HDAC9: variants seen among roughly 807,000 people sequenced by gnomAD.
HDAC9 encodes MEF-2 interacting transcription repressor (MITR) protein.
In HDAC9, 41 loss-of-function variants were observed where a neutral mutation model predicts 139.4. That is an observed-to-expected ratio of 0.29 (90% CI 0.23 to 0.38). The LOEUF (loss-of-function observed/expected upper bound fraction) is 0.38. Ranked by LOEUF, HDAC9 falls within the 10% of genes least tolerant of loss-of-function variation. HDAC9 has a pLI of 1.00. For missense variants in HDAC9, 1,147 were observed against 1,297.0 expected (o/e 0.88, Z 1.78); for synonymous variants, 517 against 476.2 (o/e 1.09, Z -1.12).
chr7:18,134,747 C>T (rs772932359), intron 1 of HDAC9, among the ~76,000 whole-genome samples: 4 of 152,114 alleles, frequency 2.6e-5, no homozygotes, highest in Non-Finnish European at 5.9e-5. Flanking sequence ...ATATTCTTCT[C>T]TCTTTATTTG....
intron 2 of HDAC9, among the ~76,000 whole-genome samples, chr7:18,188,871 A>G (rs1790116004): frequency 6.6e-6 from 1 of 152,198 alleles, no homozygotes; most frequent in Non-Finnish European, 1.5e-5. Context: ...TTGGAGAAAT[A>G]GGAATGCTTT....
chr7:18,901,722 A>G (rs1244972217), intron 22 of HDAC9, among the ~76,000 whole-genome samples: 1 of 152,224 alleles, frequency 6.6e-6, no homozygotes, highest in African/African-American at 2.4e-5. Flanking sequence ...CTGAACATCC[A>G]ATAGGATTGT....
chr7:18,095,978 C>T (rs1299969698), intron 1 of HDAC9, among the ~76,000 whole-genome samples: 1 of 152,146 alleles, frequency 6.6e-6, no homozygotes, highest in African/African-American at 2.4e-5. Context: ...GTGTATGGCT[C>T]AGGATAATCA....
chr7:18,531,849 T>G (rs1276310810), intron 2 of HDAC9, among the ~76,000 whole-genome samples: 1 of 152,160 alleles, frequency 6.6e-6, no homozygotes, highest in Non-Finnish European at 1.5e-5. Context: ...TTTAAAAAGT[T>G]GACGTGTGAT....
chr7:18,410,784 T>A (rs1457479409), intron 1 of HDAC9, among the ~76,000 whole-genome samples: 1 of 152,212 alleles, frequency 6.6e-6, no homozygotes, highest in African/African-American at 2.4e-5. Context: ...TAGAGACTTT[T>A]ATAAAAGTTT....
chr7:18,140,036 G>C (rs1309753687), intron 1 of HDAC9, among the ~76,000 whole-genome samples: 3 of 152,152 alleles, frequency 2.0e-5, no homozygotes, highest in Non-Finnish European at 2.9e-5. Context: ...GCAGCCACAA[G>C]AAATGAATAC....
At chr7:18,593,651 G>A (rs1831621926) in intron 5 of HDAC9, among the ~76,000 whole-genome samples, 1 of 152,094 alleles carries the variant, frequency 6.6e-6, no homozygotes, top group African/African-American at 2.4e-5. Flanking sequence ...CAGACTCTTG[G>A]TAAATTATTT....
intron 25 of HDAC9, among the ~76,000 whole-genome samples, chr7:18,984,141 C>T (rs182028350): frequency 6.6e-6 from 1 of 152,176 alleles, no homozygotes; most frequent in African/African-American, 2.4e-5. Flanking sequence ...TTTATGTTTT[C>T]TCCTGTAAGC....
chr7:18,736,243 T>G (rs190404331), intron 13 of HDAC9, among the ~76,000 whole-genome samples: 1 of 152,316 alleles, frequency 6.6e-6, no homozygotes, highest in Admixed American at 6.5e-5. Context: ...TCTTGCCTGA[T>G]TGCCCTGGCC....
chr7:18,377,960 C>T (rs1273885949), intron 1 of HDAC9, among the ~76,000 whole-genome samples: 2 of 152,142 alleles, frequency 1.3e-5, no homozygotes, highest in Admixed American at 1.3e-4. Context: ...ACTTAACTTT[C>T]ATTCCAGAAG....
At chr7:18,226,957 G>A (rs543340482) in intron 2 of HDAC9, among the ~76,000 whole-genome samples, 189 of 152,280 alleles carry the variant, frequency 1.2e-3, no homozygotes, top group African/African-American at 4.4e-3. Flanking sequence ...ACTGTAATTT[G>A]GAGGGAAGCA....
At chr7:18,172,544 C>T (rs1010967069) in intron 2 of HDAC9, among the ~76,000 whole-genome samples, 4 of 152,048 alleles carry the variant, frequency 2.6e-5, no homozygotes, top group African/African-American at 4.8e-5. Flanking sequence ...TGTGATGTTA[C>T]GGTGTTGATT....
intron 1 of HDAC9, among the ~76,000 whole-genome samples, chr7:18,421,456 G>A (rs542559599): frequency 2.0e-5 from 3 of 149,968 alleles, no homozygotes; most frequent in Admixed American, 2.0e-4. Context: ...AAGGGAGAAA[G>A]AGAAAGAAAG....
At chr7:18,929,938 C>CAA (rs778056495) in intron 22 of HDAC9, among the ~76,000 whole-genome samples, 2 of 130,256 alleles carry the variant, frequency 1.5e-5, no homozygotes, top group South Asian at 2.4e-4. Context: ...GACGCCGCCT[C>CAA]AAAAAAAAAA....
intron 1 of HDAC9, among the ~76,000 whole-genome samples, chr7:18,385,844 C>T (rs1227106962): frequency 6.6e-6 from 1 of 152,010 alleles, no homozygotes; most frequent in Non-Finnish European, 1.5e-5. Context: ...TAGCATAGGA[C>T]CTGCTCAGTA....
At chr7:18,444,212 G>A (rs1792071447) in intron 1 of HDAC9, among the ~76,000 whole-genome samples, 1 of 151,648 alleles carries the variant, frequency 6.6e-6, no homozygotes, top group Admixed American at 6.6e-5. Flanking sequence ...GGTGGCGTGT[G>A]TCTGTAGTCC....
intron 2 of HDAC9, among the ~76,000 whole-genome samples, chr7:18,172,038 C>T (rs1788491069): frequency 6.6e-6 from 1 of 152,166 alleles, no homozygotes; most frequent in African/African-American, 2.4e-5. Flanking sequence ...CCTCTTTGTA[C>T]TTCTGGTAGA....
At chr7:18,122,951 T>C (rs778039084) in intron 1 of HDAC9, among the ~76,000 whole-genome samples, 1 of 152,196 alleles carries the variant, frequency 6.6e-6, no homozygotes, top group African/African-American at 2.4e-5. Context: ...GCTAGGGTTT[T>C]TTTCTTTATT....
intron 6 of HDAC9, among the ~76,000 whole-genome samples, chr7:18,627,015 T>C (rs1185949656): frequency 6.6e-6 from 1 of 152,162 alleles, no homozygotes; most frequent in Non-Finnish European, 1.5e-5. Context: ...ATAGTACCAA[T>C]AATATGTTTC....
Sources: gnomAD v4.1 joint callset for allele counts (sites outside exome capture counted in the v4.1 genomes callset) on GRCh38, gnomAD v4.1.1 for gene constraint, MANE v1.5 for transcripts, NCBI Gene and HGNC (gene_info 2026-07-23, HGNC 2026-07-21) for gene names.